The following MAST4 variants were observed in gnomAD, a reference collection of about 807,000 sequenced individuals.
The protein encoded by MAST4 is microtubule-associated serine/threonine-protein kinase 4.
Under a neutral mutation model 162.7 loss-of-function variants are expected in MAST4, and 89 were observed. That is an observed-to-expected ratio of 0.55 (90% CI 0.46 to 0.65). MAST4 has a LOEUF of 0.65. Among genes scored for constraint, MAST4 ranks in the 30% least tolerant of loss-of-function variants. MAST4 has a pLI of 0.00. For missense variants in MAST4, 3,153 were observed against 3,374.0 expected (o/e 0.93, Z 1.62); for synonymous variants, 1,479 against 1,361.1 (o/e 1.09, Z -1.91).
At chr5:67,002,799 T>A (rs2150320547) in intron 4 of MAST4, among the ~76,000 whole-genome samples, 1 of 152,076 alleles carries the variant, frequency 6.6e-6, no homozygotes, top group East Asian at 1.9e-4. Flanking sequence ...GTATCCAGAA[T>A]TCAGACCCAA....
At chr5:67,013,707 ATAGGATGGATATAT>A (rs1021221898) in intron 4 of MAST4, among the ~76,000 whole-genome samples, 1 of 151,972 alleles carries the variant, frequency 6.6e-6, no homozygotes, top group African/African-American at 2.4e-5. Flanking sequence ...CTAAAATGCA[ATAGGATGGATATAT>A]TTAAATTGGG....
At chr5:66,839,907 A>G (rs888219972) in intron 3 of MAST4, among the ~76,000 whole-genome samples, 1 of 145,914 alleles carries the variant, frequency 6.9e-6, no homozygotes, top group African/African-American at 2.5e-5. Context: ...CTCTGTTTCC[A>G]GTTTCTTTGT....
intron 4 of MAST4, among the ~76,000 whole-genome samples, chr5:66,943,840 T>G (rs1743649772): frequency 6.6e-6 from 1 of 152,070 alleles, no homozygotes; most frequent in African/African-American, 2.4e-5. Flanking sequence ...AGAATCAAAG[T>G]TAGAGCATGA....
intron 4 of MAST4, among the ~76,000 whole-genome samples, chr5:67,024,579 G>T (rs1217139458): frequency 6.6e-6 from 1 of 151,876 alleles, no homozygotes; most frequent in Non-Finnish European, 1.5e-5. Flanking sequence ...AGTACTATTT[G>T]CAGTCATTGA....
intron 1 of MAST4, among the ~76,000 whole-genome samples, chr5:66,687,453 T>A (rs1748735088): frequency 6.6e-6 from 1 of 151,734 alleles, no homozygotes; most frequent in South Asian, 2.1e-4. Flanking sequence ...GGTATACACG[T>A]ATTCCATAGT....
At chr5:66,854,254 C>T (rs777193048) in intron 3 of MAST4, among the ~76,000 whole-genome samples, 39 of 152,140 alleles carry the variant, frequency 2.6e-4, no homozygotes, top group Non-Finnish European at 5.0e-4. Flanking sequence ...AGGTATCAGA[C>T]ACTCTTTGCC....
At chr5:66,635,514 G>A (rs571344874) in intron 1 of MAST4, among the ~76,000 whole-genome samples, 1 of 152,266 alleles carries the variant, frequency 6.6e-6, no homozygotes, top group South Asian at 2.1e-4. Flanking sequence ...AAAGTTTGGG[G>A]CAGAAATTAG....
chr5:67,019,622 C>A (rs928430188), intron 4 of MAST4, among the ~76,000 whole-genome samples: 1 of 152,168 alleles, frequency 6.6e-6, no homozygotes, highest in Non-Finnish European at 1.5e-5. Flanking sequence ...TGGGGAAAAC[C>A]ATTATTTAAT....
chr5:66,791,723 T>C (rs1375132157), intron 3 of MAST4, among the ~76,000 whole-genome samples: 1 of 152,210 alleles, frequency 6.6e-6, no homozygotes, highest in African/African-American at 2.4e-5. Flanking sequence ...AGAATGTGAT[T>C]AGTCATTTAC....
chr5:66,747,307 T>C (rs1219820139), intron 1 of MAST4, among the ~76,000 whole-genome samples: 1 of 152,182 alleles, frequency 6.6e-6, no homozygotes, highest in African/African-American at 2.4e-5. Context: ...TGTAGTTTGA[T>C]CTAATACTGT....
intron 5 of MAST4, among the ~76,000 whole-genome samples, chr5:67,071,911 G>A (rs771902619): frequency 5.9e-5 from 9 of 151,480 alleles, no homozygotes; most frequent in Non-Finnish European, 1.0e-4. Flanking sequence ...TTCACTAATA[G>A]CAATATAGAT....
intron 3 of MAST4, among the ~76,000 whole-genome samples, chr5:66,827,172 A>C (rs1445162041): frequency 6.6e-6 from 1 of 152,220 alleles, no homozygotes; most frequent in Non-Finnish European, 1.5e-5. Flanking sequence ...TAGTTTTAAA[A>C]ATCTTTTTTA....
chr5:66,908,589 C>T (rs1402860800), intron 4 of MAST4, among the ~76,000 whole-genome samples: 2 of 152,056 alleles, frequency 1.3e-5, no homozygotes, highest in Admixed American at 6.5e-5. Context: ...GCAGAAGTTC[C>T]CTATTTCATA....
intron 3 of MAST4, among the ~76,000 whole-genome samples, chr5:66,896,595 G>A (rs10515028): frequency 0.15 from 23,117 of 152,172 alleles, 1,849 homozygotes; most frequent in South Asian, 0.18. Flanking sequence ...GAAAAGAAGC[G>A]TTCAGAGATT....
chr5:66,805,297 T>G (rs1258925589), intron 3 of MAST4, among the ~76,000 whole-genome samples: 2 of 152,230 alleles, frequency 1.3e-5, no homozygotes, highest in Non-Finnish European at 2.9e-5. Context: ...ACAGATCTGT[T>G]TCTTGACTCT....
At chr5:67,058,526 C>A (rs145068747) in intron 5 of MAST4, among the ~76,000 whole-genome samples, 67 of 152,212 alleles carry the variant, frequency 4.4e-4, no homozygotes, top group African/African-American at 1.5e-3. Flanking sequence ...TTAAATTTTT[C>A]TTCAGTAATG....
intron 4 of MAST4, among the ~76,000 whole-genome samples, chr5:67,006,882 T>G (rs912584092): frequency 6.6e-6 from 1 of 152,124 alleles, no homozygotes; most frequent in Admixed American, 6.5e-5. Context: ...CCCCAAGTCA[T>G]GAAACCGTAT....
At chr5:66,857,457 T>C (rs2149828922) in intron 3 of MAST4, among the ~76,000 whole-genome samples, 1 of 152,324 alleles carries the variant, frequency 6.6e-6, no homozygotes, top group South Asian at 2.1e-4. Flanking sequence ...AGTATACACA[T>C]TTTTAACCTT....
chr5:67,164,011 C>A lies in MAST4; in HGVS notation c.4832C>A (p.Ala1611Asp). 6.3e-7 allele frequency: 1 copy of A among 1,594,842 alleles called. No homozygotes were observed. The highest frequency in any genetic ancestry group is 8.5e-7 in the Non-Finnish European group (1 of 1,170,678). The change falls in exon 29 of 29, where the codon GCC becomes GAC. Residue 1611 changes from alanine (A) to aspartate (D), a missense_variant. Transcript: ENST00000403625. This position sits in a 1 kb window ranked among gnomAD's most constrained non-coding sequence, Gnocchi z 5.3. ...SLLKDALHKQ[A>D]SVRASEGAMS... ...CTGAAGGATGCTCTTCACAAGCAGG[C>A]CAGCGTGCGCGCCAGCGAGGGTGCG...
Sources: gnomAD v4.1 joint callset for allele counts (sites outside exome capture counted in the v4.1 genomes callset) on GRCh38, gnomAD v4.1.1 for gene constraint, Gnocchi (gnomAD v3.1) non-coding constraint, MANE v1.5 for transcripts, NCBI Gene and HGNC (gene_info 2026-07-23, HGNC 2026-07-21) for gene names.